The following NDUFAF2 variants were observed in gnomAD, a reference collection of about 807,000 sequenced individuals.
NDUFAF2 encodes the protein NADH dehydrogenase [ubiquinone] 1 alpha subcomplex assembly factor 2.
A neutral mutation model predicts 22.8 loss-of-function variants in NDUFAF2; 13 were observed. The observed-to-expected ratio is 0.57, with a 90% CI of 0.37 to 0.91. The LOEUF (loss-of-function observed/expected upper bound fraction) is 0.91, where lower values mean the gene tolerates loss of function less well. NDUFAF2 is among the 40% of genes least tolerant of loss of function. The pLI is 0.01. For synonymous variants in NDUFAF2, 53 were observed against 64.2 expected (o/e 0.83, Z 0.84); for missense variants, 162 against 195.2 (o/e 0.83, Z 1.01).
chr5:60,971,910 A>G (rs1413856031), intron 1 of NDUFAF2, among the ~76,000 whole-genome samples: 2 of 150,232 alleles, frequency 1.3e-5, no homozygotes, highest in African/African-American at 2.4e-5. Context: ...TGGCTGATAC[A>G]ACTTTGCCCA....
intron 1 of NDUFAF2, among the ~76,000 whole-genome samples, chr5:61,057,046 C>T (rs1752109604): frequency 6.7e-6 from 1 of 150,142 alleles, no homozygotes; most frequent in Admixed American, 6.7e-5. Context: ...CTAAATCTTT[C>T]CCTTCACAGC....
At chr5:61,033,502 T>A (rs1437918070) in intron 1 of NDUFAF2, among the ~76,000 whole-genome samples, 4 of 152,168 alleles carry the variant, frequency 2.6e-5, no homozygotes, top group Non-Finnish European at 4.4e-5. Flanking sequence ...GATATAGATT[T>A]AATTTTTATT....
intron 1 of NDUFAF2, among the ~76,000 whole-genome samples, chr5:60,990,548 G>A (rs1037397221): frequency 3.1e-4 from 47 of 151,982 alleles, no homozygotes; most frequent in Non-Finnish European, 5.9e-5. Context: ...ATAGCATTTA[G>A]CTATGTTGCC....
chr5:61,049,388 A>G (rs1301894586), intron 1 of NDUFAF2, among the ~76,000 whole-genome samples: 2 of 152,188 alleles, frequency 1.3e-5, no homozygotes, highest in Non-Finnish European at 2.9e-5. Flanking sequence ...CGAAATTTGA[A>G]GAATTATCAG....
intron 1 of NDUFAF2, among the ~76,000 whole-genome samples, chr5:61,010,925 G>GTGT (rs1751435146): frequency 6.6e-6 from 1 of 152,040 alleles, no homozygotes; most frequent in Non-Finnish European, 1.5e-5. Flanking sequence ...GCTAGAATGT[G>GTGT]AATGTGCTGG....
At chr5:61,127,118 A>C (rs1753046915) in intron 3 of NDUFAF2, among the ~76,000 whole-genome samples, 1 of 152,142 alleles carries the variant, frequency 6.6e-6, no homozygotes, top group Non-Finnish European at 1.5e-5. Context: ...GACCAATAAC[A>C]GGCTCTGAAA....
At chr5:61,151,876 T>C (rs941882549) in intron 3 of NDUFAF2, among the ~76,000 whole-genome samples, 4 of 152,160 alleles carry the variant, frequency 2.6e-5, no homozygotes, top group Non-Finnish European at 4.4e-5. Context: ...ATGTAATTAC[T>C]GTATTGCATT....
chr5:61,009,801 C>A (rs1751421180), intron 1 of NDUFAF2, among the ~76,000 whole-genome samples: 1 of 151,988 alleles, frequency 6.6e-6, no homozygotes, highest in South Asian at 2.1e-4. Flanking sequence ...CAACAGCTTA[C>A]AATCAGATAT....
At chr5:61,015,451 T>C (rs1056282680) in intron 1 of NDUFAF2, among the ~76,000 whole-genome samples, 1 of 152,020 alleles carries the variant, frequency 6.6e-6, no homozygotes, top group Non-Finnish European at 1.5e-5. Context: ...CCAGCTAATT[T>C]TTGTATTTTT....
chr5:61,037,393 G>T (rs1751813210), intron 1 of NDUFAF2, among the ~76,000 whole-genome samples: 1 of 152,080 alleles, frequency 6.6e-6, no homozygotes, highest in Non-Finnish European at 1.5e-5. Context: ...GATGAAGGTG[G>T]AAACTCATAC....
intron 3 of NDUFAF2, among the ~76,000 whole-genome samples, chr5:61,127,570 C>G (rs1035321528): frequency 8.6e-5 from 13 of 152,022 alleles, no homozygotes; most frequent in Admixed American, 2.6e-4. Flanking sequence ...AGGCCTTCAA[C>G]AAAATTCAAC....
At chr5:61,050,452 T>C (rs1752011462) in intron 1 of NDUFAF2, 1 of 152,110 alleles carries the variant, frequency 6.6e-6, no homozygotes, top group South Asian at 2.1e-4. Context: ...CAAATGATAC[T>C]CTTCAAGGAA....
Position 61,069,545 on chromosome 5 carries a change from C to T in NDUFAF2, c.128-3580C>T, listed in dbSNP as rs114697763. ...TAAAAATGAGTATTGAGGAAAAATG[C>T]AAATCACTGTAAAGAAAAATATTAG... On this transcript the variant is annotated intron_variant, in intron 1 of 3. Transcript: ENST00000296597. 4.3e-3 allele frequency among the ~76,000 whole-genome samples: 660 copies of T among 152,134 alleles called. 12 individuals are homozygous for T. Among genetic ancestry groups the T allele is most frequent in the African/African-American group, 0.015 (623 of 41,506 alleles).
rs1752321893 is a variant in NDUFAF2, at chr5:61,073,133, A to G, written c.136A>G (p.Ile46Val). The change falls in exon 2 of 4, where the codon ATT becomes GTT. Residue 46 changes from isoleucine to valine, a missense_variant. Physicochemically the swap from Ile to Val is conservative, Grantham distance 29. Around this residue, in one of 2 missense-constraint regions of NDUFAF2, gnomAD observed 94 missense variants for 85.2 expected, o/e 1.10. Transcript: ENST00000296597. Reference sequence around the variant, plus strand: ...TGACTTTTGTCTTATAGGACAAACTATTCGAGAGAAAAGAATTGTAGAAGC... The same window carrying G: ...TGACTTTTGTCTTATAGGACAAACTGTTCGAGAGAAAAGAATTGTAGAAGC... Reference protein sequence around the residue: ...PQYKNWRGQTIREKRIVEAAN... With the variant: ...PQYKNWRGQTVREKRIVEAAN... The G allele has an allele frequency of 6.2e-7, 1 of 1,609,038 alleles. No individual in the cohort carries two copies. The highest frequency in any genetic ancestry group is 2.2e-5 in the East Asian group (1 of 44,740).
intron 1 of NDUFAF2, among the ~76,000 whole-genome samples, chr5:61,039,467 C>G (rs1455287858): frequency 3.3e-5 from 5 of 152,098 alleles, no homozygotes; most frequent in Non-Finnish European, 1.5e-5. Context: ...TTTCTGCTTC[C>G]TAGAAAATAG....
At chr5:61,103,917 A>G (rs1752731228) in intron 3 of NDUFAF2, among the ~76,000 whole-genome samples, 1 of 152,100 alleles carries the variant, frequency 6.6e-6, no homozygotes, top group Non-Finnish European at 1.5e-5. Flanking sequence ...TTTCACTTTC[A>G]ATACAGTATT....
chr5:61,119,536 G>A (rs2111796784), intron 3 of NDUFAF2, among the ~76,000 whole-genome samples: 1 of 152,196 alleles, frequency 6.6e-6, no homozygotes, highest in East Asian at 1.9e-4. Context: ...TGGGATTTCT[G>A]GCTTCCAAAG....
At chr5:60,955,433 T>G (rs1348083348) in intron 1 of NDUFAF2, among the ~76,000 whole-genome samples, 1 of 152,204 alleles carries the variant, frequency 6.6e-6, no homozygotes. Context: ...ATATGTCTGG[T>G]TTTATACTGG....
rs1157773262 is a variant in NDUFAF2, at chr5:61,121,203, T to C, written c.258+22171T>C. On this transcript the variant is annotated intron_variant, in intron 3 of 3. Transcript: ENST00000296597. Reference sequence around the variant, plus strand: ...TATAGTCATAAAGAATTAGGCATTTTATATATTTTTCTTATATACACATGT... The same window carrying C: ...TATAGTCATAAAGAATTAGGCATTTCATATATTTTTCTTATATACACATGT... Among the ~76,000 whole-genome samples, 3 of 152,292 alleles carry C rather than the reference T, an allele frequency of 2.0e-5. No homozygotes were observed. The South Asian group carries it at 6.2e-4, about 32-fold the overall frequency.
Sources: allele counts gnomAD v4.1 joint callset (sites outside exome capture counted in the v4.1 genomes callset), GRCh38; gene constraint gnomAD v4.1.1; regional missense constraint gnomAD v4.1.1; transcripts MANE v1.5; gene names NCBI Gene and HGNC (gene_info 2026-07-23, HGNC 2026-07-21).